The following KIAA1210 variants were observed in gnomAD, a reference collection of about 807,000 sequenced individuals.
KIAA1210 encodes the protein KIAA1210.
KIAA1210 carries 48 observed loss-of-function variants against 78.9 expected under a neutral mutation model. The ratio of observed to expected loss-of-function variants is 0.61; its 90% CI spans 0.48 to 0.77. KIAA1210 has a LOEUF of 0.77. Ranked by LOEUF, KIAA1210 falls within the 30% of genes least tolerant of loss-of-function variation. KIAA1210 has a pLI of 0.00. For missense variants in KIAA1210, 1,108 were observed against 1,100.0 expected (o/e 1.01, Z -0.10); for synonymous variants, 406 against 404.5 (o/e 1.00, Z -0.04).
chrX:119,105,946 G>T (rs1238253671), intron 5 of KIAA1210, among the ~76,000 whole-genome samples: 1 of 111,834 alleles, frequency 8.9e-6, no homozygotes, highest in East Asian at 2.8e-4. Context: ...CCCCATTCCA[G>T]GAAATGGGCC....
chrX:119,090,010 A>G lies in KIAA1210; in HGVS notation c.956-264T>C, dbSNP rs1388716324. On this transcript the variant is annotated intron_variant, in intron 8 of 11. Coordinates refer to ENST00000691062, the MANE Select transcript of KIAA1210 (RefSeq NM_001394962.1). ...TTACCAATAGTCTGGTCCACCATTC[A>G]GTGTGAGACACATCAGAAGGCAAAT... Among the ~76,000 whole-genome samples, 4 of 111,793 alleles carry G rather than the reference A, an allele frequency of 3.6e-5. No individual in the cohort carries two copies. The East Asian group carries it at 1.1e-3, about 31-fold the overall frequency.
intron 2 of KIAA1210, 39 bp downstream of exon 2, chrX:119,123,543 A>G: frequency 1.9e-6 from 2 of 1,036,182 alleles, no homozygotes; most frequent in Non-Finnish European, 2.7e-6. Context: ...CAGTAAACAA[A>G]TCTAATTCTG....
intron 2 of KIAA1210, among the ~76,000 whole-genome samples, chrX:119,119,649 AG>A (rs1283099578): frequency 9.0e-6 from 1 of 111,643 alleles, no homozygotes; most frequent in Non-Finnish European, 1.9e-5. Flanking sequence ...GTTCGAGACC[AG>A]CCTGATCAAC....
intron 4 of KIAA1210, 142 bp downstream of exon 4, chrX:119,108,934 C>T (rs1342855582): frequency 1.8e-6 from 1 of 544,897 alleles, no homozygotes; most frequent in East Asian, 3.6e-5. Context: ...TTCTGTCACT[C>T]AAGGCTTACA....
intron 7 of KIAA1210, chrX:119,094,055 A>G (rs1333296444): frequency 1.7e-6 from 2 of 1,208,117 alleles, no homozygotes; most frequent in Non-Finnish European, 2.2e-6. Context: ...ATCCCTCTAA[A>G]ATACCCTGGA....
In KIAA1210 at chrX:119,087,659, G is replaced by T. The variant is rs1328367756; in HGVS notation, c.3043C>A (p.Arg1015Ser). Residue 1015 changes from arginine (R) to serine (S), a missense_variant, in exon 9 of 12, where the codon CGT (arginine) becomes AGT (serine). This residue lies in a region of KIAA1210 where 179 missense variants were observed against 174.1 expected (regional missense o/e 1.03). Coordinates refer to ENST00000691062, the MANE Select transcript of KIAA1210 (RefSeq NM_001394962.1). ...AATTTCACGAATGACTGGGTCGGAC[G>T]CCTGGGAATCGGTGATTTGTTAGAA... is the stretch of plus-strand genomic sequence containing the variant. ...GTSNKSPIPR[R>S]PTQSFVKFMA... 1 of 1,211,269 alleles carries T rather than the reference G, an allele frequency of 8.3e-7. No individual in the cohort carries two copies. Among genetic ancestry groups the T allele is most frequent in the Admixed American group, 2.2e-5 (1 of 45,968 alleles).
intron 1 of KIAA1210, among the ~76,000 whole-genome samples, chrX:119,124,610 G>A (rs944639421): frequency 2.7e-5 from 3 of 111,933 alleles, no homozygotes; most frequent in Admixed American, 9.4e-5. Context: ...ATTTCAGGCC[G>A]GGTACAGTGG....
At chrX:119,090,461 G>A (rs1290388487) in intron 8 of KIAA1210, among the ~76,000 whole-genome samples, 1 of 110,548 alleles carries the variant, frequency 9.0e-6, no homozygotes, top group African/African-American at 3.3e-5. Flanking sequence ...TAGTAGAGAC[G>A]GGGTTTCCCC....
At chrX:119,135,396 T>C (rs929167639) in intron 2 of KIAA1210, among the ~76,000 whole-genome samples, 1 of 111,823 alleles carries the variant, frequency 8.9e-6, no homozygotes, top group Non-Finnish European at 1.9e-5. Flanking sequence ...GATACATATA[T>C]TGTGATGAGG....
chrX:119,089,774 G>T (rs1442342034), intron 8 of KIAA1210, 28 bp from the exon 9 acceptor site: 1 of 1,136,373 alleles, frequency 8.8e-7, no homozygotes, highest in South Asian at 2.0e-5. Context: ...AAGGAAAGGA[G>T]AAATATGTGT....
intron 2 of KIAA1210, among the ~76,000 whole-genome samples, chrX:119,139,114 C>T (rs145780119): frequency 1.3e-3 from 144 of 112,121 alleles, no homozygotes; most frequent in African/African-American, 4.4e-3. Flanking sequence ...GCATGGGTAA[C>T]GATCACTGAT....
intron 2 of KIAA1210, among the ~76,000 whole-genome samples, chrX:119,133,304 C>T (rs998894476): frequency 3.6e-5 from 4 of 111,760 alleles, no homozygotes; most frequent in African/African-American, 1.3e-4. Flanking sequence ...ATGAAGATGG[C>T]TGCCCTTCAG....
In KIAA1210 at chrX:119,095,534, A is replaced by T. The variant is rs191186790; in HGVS notation, c.846+960T>A. ...CTCCAGAGTAGCTGGGATTACAGGGATGTGCTACCACACCTGGTTAATTTT... is the reference window on the plus strand; with the variant it reads ...CTCCAGAGTAGCTGGGATTACAGGGTTGTGCTACCACACCTGGTTAATTTT... On this transcript the variant is annotated intron_variant, in intron 7 of 11. Transcript: ENST00000691062. 3.7e-3 allele frequency among the ~76,000 whole-genome samples: 410 copies of T among 111,033 alleles called. 1 individual carries two copies. The highest frequency in any genetic ancestry group is 0.013 in the African/African-American group (387 of 30,536).
intron 1 of KIAA1210, among the ~76,000 whole-genome samples, chrX:119,124,771 C>T: frequency 9.0e-6 from 1 of 110,625 alleles, no homozygotes. Context: ...TGCCTGTAGT[C>T]CCAGCTACTA....
At chrX:119,105,385 T>C (rs181628246) in intron 5 of KIAA1210, among the ~76,000 whole-genome samples, 88 of 112,212 alleles carry the variant, frequency 7.8e-4, no homozygotes, top group African/African-American at 2.8e-3. Context: ...CTGCACACTT[T>C]TGCCAATCCC....
intron 8 of KIAA1210, among the ~76,000 whole-genome samples, chrX:119,092,530 G>A (rs1457681873): frequency 1.8e-5 from 2 of 111,603 alleles, no homozygotes; most frequent in East Asian, 5.6e-4. Context: ...GGGAGGCCAA[G>A]GTGGGCAGAT....
intron 3 of KIAA1210, among the ~76,000 whole-genome samples, chrX:119,110,866 C>T (rs1928048752): frequency 9.1e-6 from 1 of 109,749 alleles, no homozygotes; most frequent in Non-Finnish European, 1.9e-5. Flanking sequence ...GATGGCAGTA[C>T]TTCACAAAAT....
chrX:119,096,097 T>C lies in KIAA1210; in HGVS notation c.846+397A>G, dbSNP rs563907106. 5.3e-5 allele frequency among the ~76,000 whole-genome samples: 6 copies of C among 112,455 alleles called. No homozygotes were observed. In the South Asian group the frequency reaches 2.2e-3, roughly 42 times the overall value. ...AAGCTTGATCTCCAAATAAGTGGAATAGTGCTGCAATTTGTGACTCATGGG... is the reference window on the plus strand; with the variant it reads ...AAGCTTGATCTCCAAATAAGTGGAACAGTGCTGCAATTTGTGACTCATGGG... On this transcript the variant is annotated intron_variant, in intron 7 of 11. Coordinates refer to ENST00000691062, the MANE Select transcript of KIAA1210 (RefSeq NM_001394962.1).
At chrX:119,103,165 C>G (rs1253957430) in intron 6 of KIAA1210, among the ~76,000 whole-genome samples, 1 of 111,890 alleles carries the variant, frequency 8.9e-6, no homozygotes, top group Non-Finnish European at 1.9e-5. Flanking sequence ...AGGTGCACAT[C>G]CTTAACCATG....
Sources: allele counts gnomAD v4.1 joint callset (sites outside exome capture counted in the v4.1 genomes callset), GRCh38; gene constraint gnomAD v4.1.1; regional missense constraint gnomAD v4.1.1; transcripts MANE v1.5; gene names NCBI Gene and HGNC (gene_info 2026-07-23, HGNC 2026-07-21).